The following IL16 variants were observed in gnomAD, a reference collection of about 807,000 sequenced individuals.
IL16 encodes pro-interleukin-16.
In IL16, 67 loss-of-function variants were observed where a neutral mutation model predicts 110.1. The ratio of observed to expected loss-of-function variants is 0.61; its 90% CI spans 0.50 to 0.75. The LOEUF (loss-of-function observed/expected upper bound fraction) is 0.75, where lower values mean the gene tolerates loss of function less well. IL16 is among the 30% of genes least tolerant of loss of function. IL16 has a pLI of 0.00. For missense variants in IL16, 1,545 were observed against 1,655.0 expected, an observed-to-expected ratio of 0.93 and a Z score of 1.15; for synonymous variants, 689 against 662.9, an observed-to-expected ratio of 1.04 and a Z score of -0.61.
At position 81,252,982 on chromosome 15, in the gene IL16, G is replaced by A. The variant is rs945525782; in HGVS notation, c.313-6790G>A. ...GGTTTTATGTTTTCATTTCCCTTGG[G>A]TATATACCTAGGAATGGAACTGCTG... On this transcript the variant is annotated intron_variant, in intron 2 of 18. Transcript: ENST00000683961. Among the ~76,000 whole-genome samples, 4 of 152,046 alleles carry A rather than the reference G, an allele frequency of 2.6e-5. No individual in the cohort carries two copies. The South Asian group carries it at 6.2e-4, about 24-fold the overall frequency.
In IL16 at chr15:81,297,014, T is replaced by A; in HGVS notation, c.1989T>A (p.Pro663=). ...GTGCCTCTGCCGGCTGCCCAGGACC[T>A]GGTATCGGCCCACAGACCAAGTCCT... is the stretch of plus-strand genomic sequence containing the variant. ...SPSASAGCPG[P]GIGPQTKSST... The change falls in exon 13 of 19, where the codon CCT becomes CCA. Residue 663 remains proline, a synonymous_variant. Transcript: ENST00000683961. 1 of 1,613,802 alleles carries A rather than the reference T, an allele frequency of 6.2e-7. No individual in the cohort carries two copies. Among genetic ancestry groups the A allele is most frequent in the Non-Finnish European group, 8.5e-7 (1 of 1,179,916 alleles).
Position 81,292,573 on chromosome 15 carries a change from A to G in IL16, c.1438A>G (p.Ser480Gly), listed in dbSNP as rs778486234. ...CCACACAGGTGTCAAAAGGCTGGAAAGCAGTTGGCACGGGCGGCCCACCTT... is the reference window on the plus strand; with the variant it reads ...CCACACAGGTGTCAAAAGGCTGGAAGGCAGTTGGCACGGGCGGCCCACCTT... The part of the protein sequence containing the change: ...WSLEGVKRLE[S>G]SWHGRPTLEK... The change falls in exon 12 of 19, where the codon AGC becomes GGC. Residue 480 changes from serine (S) to glycine (G), a missense_variant. Transcript: ENST00000683961. 6.2e-7 allele frequency: 1 copy of G among 1,605,982 alleles called. No individual in the cohort carries two copies. The highest frequency in any genetic ancestry group is 1.3e-5 in the African/African-American group (1 of 74,788).
intron 9 of IL16, among the ~76,000 whole-genome samples, chr15:81,283,246 A>G (rs1899275157): frequency 1.3e-5 from 2 of 152,210 alleles, no homozygotes; most frequent in Admixed American, 1.3e-4. Flanking sequence ...GCCGGGAGGC[A>G]GAGAAGCTGG....
chr15:81,257,578 C>T (rs1897993146), intron 2 of IL16, among the ~76,000 whole-genome samples: 2 of 152,128 alleles, frequency 1.3e-5, no homozygotes, highest in South Asian at 4.1e-4. Flanking sequence ...ATGAGGGATT[C>T]CAGCAGAGCC....
At chr15:81,301,262 C>G (rs958457281) in intron 14 of IL16, 82 bp from the exon 15 acceptor site, 2 of 1,301,666 alleles carry the variant, frequency 1.5e-6, no homozygotes, top group East Asian at 4.7e-5. Context: ...GGCACCACAC[C>G]TGGGACATAG....
At chr15:81,244,833 G>A (rs1447217268) in intron 2 of IL16, among the ~76,000 whole-genome samples, 1 of 152,020 alleles carries the variant, frequency 6.6e-6, no homozygotes, top group Non-Finnish European at 1.5e-5. Context: ...TAGTATCACA[G>A]ATCCCTGAGG....
chr15:81,243,463 G>A (rs1268635395), intron 2 of IL16, among the ~76,000 whole-genome samples: 1 of 151,662 alleles, frequency 6.6e-6, no homozygotes, highest in Admixed American at 6.6e-5. Context: ...GTTGTTATAG[G>A]CATGAGCCAC....
intron 12 of IL16, among the ~76,000 whole-genome samples, chr15:81,294,044 C>T (rs749639542): frequency 5.9e-5 from 9 of 152,244 alleles, no homozygotes; most frequent in Non-Finnish European, 1.3e-4. Context: ...GGGCCCTGGC[C>T]CTTCCCTTAA....
chr15:81,184,087 A>T (rs1019848458), intron 1 of IL16, among the ~76,000 whole-genome samples: 2 of 152,204 alleles, frequency 1.3e-5, no homozygotes, highest in South Asian at 4.1e-4. Flanking sequence ...TATAGCAGAA[A>T]GTAGGGTGAG....
chr15:81,243,163 ATTTTTTTTTTT>A lies in IL16; in HGVS notation c.313-16589_313-16579del, dbSNP rs1219851899. 2.0e-4 allele frequency among the ~76,000 whole-genome samples: 3 copies of A among 15,030 alleles called. No homozygotes were observed. In the Admixed American group the frequency reaches 3.8e-3, roughly 19 times the overall value. 9.9% of individuals were successfully genotyped at this position (15,030 alleles called of 152,430 possible). ...TATAAGTATATATATATATATATAT[ATTTTTTTTTTT>A]TTTTTTTTTTTTTTTTTTTGAGGCA... On this transcript the variant is annotated intron_variant, in intron 2 of 18. Transcript: ENST00000683961.
chr15:81,281,703 C>T (rs79034866), intron 8 of IL16, among the ~76,000 whole-genome samples: 2,710 of 152,352 alleles, frequency 0.018, 62 homozygotes, highest in African/African-American at 0.053. Flanking sequence ...TGGTAAATCA[C>T]ATTACCATCT....
intron 5 of IL16, among the ~76,000 whole-genome samples, chr15:81,270,966 G>A (rs907245965): frequency 1.3e-5 from 2 of 152,158 alleles, no homozygotes; most frequent in Non-Finnish European, 2.9e-5. Context: ...AAGTAGCAGT[G>A]AAGCAGGGGG....
At chr15:81,304,575 G>T (rs970887515) in intron 16 of IL16, among the ~76,000 whole-genome samples, 2 of 152,162 alleles carry the variant, frequency 1.3e-5, no homozygotes, top group Non-Finnish European at 2.9e-5. Context: ...ACCATCCACG[G>T]CCATGCTGAG....
rs1333520670 is a variant in IL16, at chr15:81,234,081, A to G, written c.312+8370A>G. On this transcript the variant is annotated intron_variant, in intron 2 of 18. Coordinates refer to ENST00000683961, the MANE Select transcript of IL16 (RefSeq NM_172217.5). Reference sequence around the variant, plus strand: ...CTGAAAAATTGTCTGATACTAGTATAGCTTCACCACTATCTTTTGGTGAGT... The same window carrying G: ...CTGAAAAATTGTCTGATACTAGTATGGCTTCACCACTATCTTTTGGTGAGT... Among the ~76,000 whole-genome samples, 2 of 152,090 alleles carry G rather than the reference A, an allele frequency of 1.3e-5. 1 individual carries two copies. Among genetic ancestry groups the G allele is most frequent in the Non-Finnish European group, 2.9e-5 (2 of 67,968 alleles).
At chr15:81,239,675 C>A (rs1476733950) in intron 2 of IL16, among the ~76,000 whole-genome samples, 1 of 152,154 alleles carries the variant, frequency 6.6e-6, no homozygotes, top group African/African-American at 2.4e-5. Context: ...ATCTTGGCAC[C>A]CTGGTTGTGG....
chr15:81,197,880 C>T (rs2141940950), intron 1 of IL16, among the ~76,000 whole-genome samples: 1 of 152,110 alleles, frequency 6.6e-6, no homozygotes, highest in East Asian at 1.9e-4. Flanking sequence ...CAGGCTGAGC[C>T]ATACAAAGAC....
At chr15:81,296,712 T>A (rs1900001626) in intron 12 of IL16, among the ~76,000 whole-genome samples, 1 of 152,166 alleles carries the variant, frequency 6.6e-6, no homozygotes, top group South Asian at 2.1e-4. Flanking sequence ...GGATACCAGG[T>A]TGCTGGAAGT....
intron 1 of IL16, among the ~76,000 whole-genome samples, chr15:81,188,050 T>C (rs1895442795): frequency 6.6e-6 from 1 of 152,166 alleles, no homozygotes; most frequent in Non-Finnish European, 1.5e-5. Flanking sequence ...TTGTTTATCC[T>C]GAGGGCCTCA....
intron 7 of IL16, among the ~76,000 whole-genome samples, chr15:81,279,250 T>TATCA (rs1206889156): frequency 6.6e-6 from 1 of 152,168 alleles, no homozygotes; most frequent in Non-Finnish European, 1.5e-5. Context: ...ATCTATCTAT[T>TATCA]ATCAATCAAT....
Sources: gnomAD v4.1 joint callset for allele counts (sites outside exome capture counted in the v4.1 genomes callset) on GRCh38, gnomAD v4.1.1 for gene constraint, MANE v1.5 for transcripts, NCBI Gene and HGNC (gene_info 2026-07-23, HGNC 2026-07-21) for gene names.